Variants in UBE2W observed in about 807,000 individuals in gnomAD.
UBE2W encodes ubiquitin conjugating enzyme E2 W.
Under a neutral mutation model 27.2 loss-of-function variants are expected in UBE2W, and 18 were observed. The observed-to-expected ratio is 0.66, with a 90% CI of 0.46 to 0.98. The LOEUF (loss-of-function observed/expected upper bound fraction) is 0.98. Among genes scored for constraint, UBE2W ranks in the 50% least tolerant of loss-of-function variants. UBE2W has a pLI of 0.00. For synonymous variants in UBE2W, 53 were observed against 57.2 expected (o/e 0.93, Z 0.33); for missense variants, 90 against 180.2 (o/e 0.50, Z 2.87).
chr8:73,867,588 G>A (rs954391989), intron 1 of UBE2W, among the ~76,000 whole-genome samples: 2 of 151,990 alleles, frequency 1.3e-5, no homozygotes, highest in Non-Finnish European at 2.9e-5. Flanking sequence ...GCACGTGCCT[G>A]TATTCCCAGC....
At chr8:73,868,198 T>A (rs1563635847) in intron 1 of UBE2W, among the ~76,000 whole-genome samples, 1 of 152,174 alleles carries the variant, frequency 6.6e-6, no homozygotes, top group Non-Finnish European at 1.5e-5. Flanking sequence ...CATCAATCTT[T>A]GGGGAAGAAG....
At chr8:73,873,469 G>C (rs1448018494) in intron 1 of UBE2W, among the ~76,000 whole-genome samples, 1 of 152,054 alleles carries the variant, frequency 6.6e-6, no homozygotes, top group African/African-American at 2.4e-5. Context: ...GCCAACTTGA[G>C]CAACAGGGAA....
At chr8:73,846,279 C>T (rs1452057548) in intron 1 of UBE2W, among the ~76,000 whole-genome samples, 1 of 152,004 alleles carries the variant, frequency 6.6e-6, no homozygotes, top group Non-Finnish European at 1.5e-5. Flanking sequence ...GTCTGTAGTC[C>T]CAGCTACTCA....
At chr8:73,812,779 G>T (rs888942758) in intron 3 of UBE2W, among the ~76,000 whole-genome samples, 15 of 151,952 alleles carry the variant, frequency 9.9e-5, no homozygotes, top group African/African-American at 3.4e-4. Flanking sequence ...GAGGTGGGTG[G>T]ATCACCTGAG....
rs117470175 is a variant in UBE2W at position 73,860,268 on chromosome 8, T to C, written c.15+18540A>G. ...CAGGAAGCTTACCCTGATTTTTAAA[T>C]GCTGTATAAATTTTCCTTTTCAACC... is the stretch of plus-strand genomic sequence containing the variant. On this transcript the variant is annotated intron_variant, in intron 1 of 5. Coordinates refer to ENST00000602593, the MANE Select transcript of UBE2W (RefSeq NM_018299.6). Among the ~76,000 whole-genome samples, 1,173 of 152,324 alleles carry C rather than the reference T, an allele frequency of 7.7e-3. 27 individuals carry two copies. Among genetic ancestry groups the C allele is most frequent in the East Asian group, 0.058 (300 of 5,190 alleles).
At chr8:73,810,342 A>G in intron 4 of UBE2W, 132 bp downstream of exon 4, 1 of 940,876 alleles carries the variant, frequency 1.1e-6, no homozygotes, top group South Asian at 2.1e-5. Context: ...ATTACTAAAC[A>G]TGAAATTCCC....
intron 1 of UBE2W, among the ~76,000 whole-genome samples, chr8:73,864,397 T>C (rs1012133431): frequency 1.3e-5 from 2 of 152,178 alleles, no homozygotes; most frequent in Non-Finnish European, 2.9e-5. Context: ...TTTTTTTTAA[T>C]TAAAATACAG....
chr8:73,808,434 T>C (rs1265308693), intron 4 of UBE2W, among the ~76,000 whole-genome samples: 1 of 152,208 alleles, frequency 6.6e-6, no homozygotes, highest in Non-Finnish European at 1.5e-5. Context: ...GGTTTAGCCA[T>C]TTTGCCTAGG....
rs66577299 is a variant in UBE2W at position 73,855,394 on chromosome 8, C to CTTTTT, written c.15+23409_15+23413dup. 5.2e-3 allele frequency among the ~76,000 whole-genome samples: 440 copies of CTTTTT among 84,662 alleles called. 1 individual carries two copies. Among genetic ancestry groups the CTTTTT allele is most frequent in the Middle Eastern group, 0.019 (2 of 104 alleles). 55.5% of individuals were successfully genotyped at this position (84,662 alleles called of 152,430 possible). A position where few individuals can be genotyped will look rare whatever the true frequency, so the allele number is the denominator to read the frequency against. ...ATACTTCATCTTTATATTCTACTTT[C>CTTTTT]TTTTTTTTTTTTTTTTTTTTTTTTT... is the stretch of plus-strand genomic sequence containing the variant. On this transcript the variant is annotated intron_variant, in intron 1 of 5. Coordinates refer to ENST00000602593, the MANE Select transcript of UBE2W (RefSeq NM_018299.6).
intron 2 of UBE2W, among the ~76,000 whole-genome samples, chr8:73,829,642 C>A (rs988909161): frequency 5.3e-5 from 8 of 151,848 alleles, no homozygotes; most frequent in Admixed American, 1.3e-4. Context: ...AGCTTTGACC[C>A]CTGTCTTAGG....
At chr8:73,832,688 T>A (rs557409408) in intron 1 of UBE2W, among the ~76,000 whole-genome samples, 1 of 152,124 alleles carries the variant, frequency 6.6e-6, no homozygotes, top group Non-Finnish European at 1.5e-5. Flanking sequence ...GATTTACTGG[T>A]TGAGCATCCC....
chr8:73,836,058 T>C (rs1489394097), intron 1 of UBE2W, among the ~76,000 whole-genome samples: 1 of 152,192 alleles, frequency 6.6e-6, no homozygotes, highest in African/African-American at 2.4e-5. Flanking sequence ...ACATTTGTTG[T>C]TTTAAATCGC....
intron 2 of UBE2W, among the ~76,000 whole-genome samples, 152 bp downstream of exon 2, chr8:73,830,229 T>C (rs1057268397): frequency 1.3e-5 from 2 of 152,216 alleles, no homozygotes; most frequent in African/African-American, 2.4e-5. Flanking sequence ...ATTGATTATA[T>C]ATATAAATGC....
chr8:73,816,992 C>T (rs1319990221), intron 3 of UBE2W, among the ~76,000 whole-genome samples: 1 of 151,848 alleles, frequency 6.6e-6, no homozygotes, highest in Non-Finnish European at 1.5e-5. Context: ...CAAGATTGCG[C>T]CACTTCACTC....
chr8:73,796,749 A>C (rs1417715653), intron 5 of UBE2W: 1 of 690,594 alleles, frequency 1.4e-6, no homozygotes, highest in Non-Finnish European at 1.8e-6. Context: ...TATGAGCCAA[A>C]GCCATCGCCA....
At chr8:73,868,820 G>A (rs1382716329) in intron 1 of UBE2W, among the ~76,000 whole-genome samples, 1 of 152,040 alleles carries the variant, frequency 6.6e-6, no homozygotes, top group African/African-American at 2.4e-5. Context: ...TTAAAACACA[G>A]AGTTACTGTA....
At chr8:73,871,280 G>A (rs2130993974) in intron 1 of UBE2W, among the ~76,000 whole-genome samples, 1 of 152,176 alleles carries the variant, frequency 6.6e-6, no homozygotes, top group East Asian at 1.9e-4. Context: ...TGAACCCAAG[G>A]TTTCTGGCTG....
At position 73,786,259 on chromosome 8, in the gene UBE2W, A is replaced by C. The variant is rs1271267721; in HGVS notation, c.*7843T>G. On this transcript the variant is annotated 3_prime_UTR_variant, in exon 6 of 6. Coordinates refer to ENST00000602593, the MANE Select transcript of UBE2W (RefSeq NM_018299.6). ...GATTTATTTAAAAGTAGTTTTCTCA[A>C]ACTCTCTGGGATAGAAAGAGCAGGG... is the stretch of plus-strand genomic sequence containing the variant. The C allele has an allele frequency of 1.9e-5, 19 of 985,356 alleles. No individual in the cohort carries two copies. Among genetic ancestry groups the C allele is most frequent in the Non-Finnish European group, 2.3e-5 (19 of 829,944 alleles). The allele number at this position is 985,356 out of a possible 1,614,324, so 61.0% of individuals were successfully genotyped here.
At chr8:73,835,858 C>T (rs980301806) in intron 1 of UBE2W, among the ~76,000 whole-genome samples, 3 of 152,102 alleles carry the variant, frequency 2.0e-5, no homozygotes, top group Non-Finnish European at 4.4e-5. Flanking sequence ...AATTCAGAGG[C>T]CTTCATAGTG....
Sources: allele counts gnomAD v4.1 joint callset (sites outside exome capture counted in the v4.1 genomes callset), GRCh38; gene constraint gnomAD v4.1.1; transcripts MANE v1.5; gene names NCBI Gene and HGNC (gene_info 2026-07-23, HGNC 2026-07-21).